The following SH3TC1 variants were observed in gnomAD, a reference collection of about 807,000 sequenced individuals.
SH3TC1 encodes SH3 domain and tetratricopeptide repeats 1, also known as SH3 domain and tetratricopeptide repeat-containing protein 1.
SH3TC1 carries 135 observed loss-of-function variants against 117.3 expected under a neutral mutation model. The observed-to-expected ratio is 1.15, with a 90% CI of 1.00 to 1.33. SH3TC1 has a LOEUF of 1.33. SH3TC1 is among the 40% of genes most tolerant of loss of function. The pLI, the probability that SH3TC1 is intolerant of heterozygous loss-of-function variation, is 0.00. For missense variants in SH3TC1, 2,092 were observed against 1,794.3 expected (o/e 1.17, Z -3.00); for synonymous variants, 898 against 816.9 (o/e 1.10, Z -1.69).
chr4:8,230,029 G>A (rs979984055), intron 12 of SH3TC1, among the ~76,000 whole-genome samples: 10 of 150,116 alleles, frequency 6.7e-5, no homozygotes, highest in East Asian at 2.0e-4. Context: ...GCCAGGGGAC[G>A]AGGATCATGC....
Position 8,228,219 on chromosome 4 carries a change from C to T in SH3TC1, c.2525C>T (p.Pro842Leu), listed in dbSNP as rs755369951. 43 of 1,608,610 alleles carry T rather than the reference C, an allele frequency of 2.7e-5. No individual in the cohort carries two copies. The highest frequency in any genetic ancestry group is 2.0e-4 in the Admixed American group (12 of 59,774). The change falls in exon 12 of 18, where the codon CCG becomes CTG. Residue 842 changes from proline to leucine, a missense_variant. Coordinates refer to ENST00000245105, the MANE Select transcript of SH3TC1 (RefSeq NM_018986.5). ...CTGCACGTGCTTCATGGGCAGAGCC[C>T]GGTGGCCCTGGACATCCTGCAGTCT... ...AWLHVLHGQS[P>L]VALDILQSVR... is the part of the protein sequence containing the mutation.
intron 1 of SH3TC1, among the ~76,000 whole-genome samples, chr4:8,203,891 C>A (rs1278281763): frequency 6.6e-6 from 1 of 152,188 alleles, no homozygotes; most frequent in Non-Finnish European, 1.5e-5. Context: ...TCCCCTGCCA[C>A]GTTCCCCGCC....
At chr4:8,199,562 G>T (rs915119991) in intron 1 of SH3TC1, among the ~76,000 whole-genome samples, 157 bp downstream of exon 1, 2 of 152,238 alleles carry the variant, frequency 1.3e-5, no homozygotes, top group Admixed American at 6.5e-5. Flanking sequence ...CCTCGGGGAG[G>T]TCGTCGGCAC....
rs77050840 is a variant in SH3TC1 at position 8,232,020 on chromosome 4, G to T, written c.2995G>T (p.Val999Phe). ...GCGGCTGTGCCACTTCTACAGCGCC[G>T]TCATGCCCAGCGAGGCCCAGTGTGT... is the stretch of plus-strand genomic sequence containing the variant. Reference protein sequence around the residue: ...VQRLCHFYSAVMPSEAQCVIY... With the variant: ...VQRLCHFYSAFMPSEAQCVIY... The change falls in exon 13 of 18, where the codon GTC becomes TTC. Residue 999 changes from valine to phenylalanine, a missense_variant. Val to Phe is a conservative substitution (Grantham distance 50). Transcript: ENST00000245105. 1.4e-4 allele frequency: 231 copies of T among 1,612,900 alleles called. 2 individuals carry two copies. In the African/African-American group the frequency reaches 2.9e-3, roughly 20 times the overall value.
At chr4:8,217,488 G>A (rs960379873) in intron 7 of SH3TC1, among the ~76,000 whole-genome samples, 1 of 152,254 alleles carries the variant, frequency 6.6e-6, no homozygotes, top group East Asian at 1.9e-4. Flanking sequence ...TAAAACATGC[G>A]TATCCAGAGT....
rs147240029 is a variant in SH3TC1 at position 8,228,358 on chromosome 4, C to T, written c.2664C>T (p.Arg888=). ...GGCAGGCAGCTGAGAGCTACTACCG[C>T]GCCCTGCGGGTGGCTCGGGACCTGG... ...RTRQAAESYY[R]ALRVARDLGQ... The change falls in exon 12 of 18, where the codon CGC becomes CGT. Residue 888 remains arginine (R), a synonymous_variant. Transcript: ENST00000245105. The T allele has an allele frequency of 9.3e-4, 1,496 of 1,611,800 alleles. 2 individuals carry two copies. Among genetic ancestry groups the T allele is most frequent in the Admixed American group, 2.3e-3 (141 of 60,006 alleles).
intron 10 of SH3TC1, among the ~76,000 whole-genome samples, chr4:8,223,499 A>T (rs2086270): frequency 9.9e-5 from 15 of 152,138 alleles, no homozygotes; most frequent in Admixed American, 7.2e-4. Context: ...CTCTGTGTGC[A>T]AAAGCTTTCT....
chr4:8,233,632 TTCCTTCCATCCA>T lies in SH3TC1; in HGVS notation c.3282+123_3282+134del, dbSNP rs146532379. The T allele has an allele frequency of 3.1e-4, 383 of 1,231,794 alleles. 2 individuals are homozygous for T. Among genetic ancestry groups the T allele is most frequent in the East Asian group, 2.6e-3 (92 of 34,994 alleles). The allele number at this position is 1,231,794 out of a possible 1,614,324, so 76.3% of individuals were successfully genotyped here. A position where few individuals can be genotyped will look rare whatever the true frequency, so the allele number is the denominator to read the frequency against. ...CATCTATCCATTTACCTGTTCATCC[TTCCTTCCATCCA>T]TCCATCCTTCCATCATCTACCCATT... On this transcript the variant is annotated intron_variant, in intron 14 of 17. Transcript: ENST00000245105.
rs1227885871 is a variant in SH3TC1, at chr4:8,205,309, C to G, written c.115C>G (p.Pro39Ala). The G allele has an allele frequency of 3.9e-6, 6 of 1,550,302 alleles. No homozygotes were observed. The highest frequency in any genetic ancestry group is 5.2e-6 in the Non-Finnish European group (6 of 1,146,992). Residue 39 changes from proline (P) to alanine (A), a missense_variant, in exon 2 of 18, where the codon CCC (proline) becomes GCC (alanine). Coordinates refer to ENST00000245105, the MANE Select transcript of SH3TC1 (RefSeq NM_018986.5). The surrounding 1 kb of genome is among the most constrained non-coding windows in gnomAD (Gnocchi z 5.4). ...RDQVRTVVMR[P>A]SVSWEKAGPE... ...CCAGGTCCGGACTGTGGTCATGAGG[C>G]CCTCTGTGAGCTGGGAGAAAGCGGG... is the stretch of plus-strand genomic sequence containing the variant.
Position 8,233,005 on chromosome 4 carries a change from T to C in SH3TC1, c.3132-358T>C, listed in dbSNP as rs933743107. On this transcript the variant is annotated intron_variant, in intron 13 of 17. Coordinates refer to ENST00000245105, the MANE Select transcript of SH3TC1 (RefSeq NM_018986.5). The stretch of plus-strand genomic sequence containing the variant: ...ATATGGACAGGCCTCTGGATGACTG[T>C]GATGCCTGCGCACCTTGAGAACCAT... 2.1e-5 allele frequency: 25 copies of C among 1,199,400 alleles called. No homozygotes were observed. The Admixed American group carries it at 2.2e-4, about 11-fold the overall frequency. The allele number at this position is 1,199,400 out of a possible 1,614,324, so 74.3% of individuals were successfully genotyped here.
In SH3TC1 at chr4:8,233,452, T is replaced by A; in HGVS notation, c.3221T>A (p.Leu1074Gln). 1 of 1,613,994 alleles carries A rather than the reference T, an allele frequency of 6.2e-7. No homozygotes were observed. The stretch of plus-strand genomic sequence containing the variant: ...AAAGAGAAGGAGGCGCATGCCTGGC[T>A]GCAAGCAGGGAAGATCTATTACATC... Reference protein sequence around the residue: ...QKKEKEAHAWLQAGKIYYILR... With the variant: ...QKKEKEAHAWQQAGKIYYILR... The change falls in exon 14 of 18, where the codon CTG (leucine) becomes CAG (glutamine). Residue 1074 changes from leucine to glutamine, a missense_variant. By Grantham distance (113) the Leu-to-Gln change is moderately radical. Transcript: ENST00000245105.
At chr4:8,203,580 C>T (rs1281127) in intron 1 of SH3TC1, among the ~76,000 whole-genome samples, 151,184 of 152,160 alleles carry the variant, frequency 0.99, 75,119 homozygotes, top group Middle Eastern at 1. Context: ...TGCTGTCTAA[C>T]GCAGGCCCAG....
intron 3 of SH3TC1, among the ~76,000 whole-genome samples, chr4:8,211,072 C>T (rs1195799134): frequency 1.4e-5 from 2 of 142,210 alleles, no homozygotes; most frequent in Admixed American, 1.4e-4. Flanking sequence ...TCCCTCTCTC[C>T]CTCTGGGTTT....
At chr4:8,193,167 G>A (rs1170058721) in intron 1 of SH3TC1, among the ~76,000 whole-genome samples, 2 of 152,218 alleles carry the variant, frequency 1.3e-5, no homozygotes, top group East Asian at 3.9e-4. Flanking sequence ...GAGCACGTTT[G>A]CCTCCCCTCT....
Position 8,217,148 on chromosome 4 carries a change from C to G in SH3TC1, c.820C>G (p.Pro274Ala), listed in dbSNP as rs538280267. Residue 274 changes from proline to alanine, a missense_variant, in exon 7 of 18, where the codon CCT becomes GCT. By Grantham distance (27) the Pro-to-Ala change is conservative (BLOSUM62 -1). Coordinates refer to ENST00000245105, the MANE Select transcript of SH3TC1 (RefSeq NM_018986.5). ...GGTGGCAGTGGCGGCCGCCCCGGAG[C>G]CTTTGATTCCATTTCATCAGTAGGT... ...EEVAVAAAPE[P>A]LIPFHQWALR... The G allele has an allele frequency of 9.1e-5, 147 of 1,609,928 alleles. 4 individuals carry two copies. The South Asian group carries it at 1.5e-3, about 16-fold the overall frequency.
chr4:8,211,717 G>T (rs1369461887), intron 3 of SH3TC1, among the ~76,000 whole-genome samples: 2 of 151,776 alleles, frequency 1.3e-5, no homozygotes, highest in African/African-American at 4.9e-5. Context: ...TGGGGTCACA[G>T]CCCCAGGAGC....
chr4:8,219,217 C>T (rs918927257), intron 8 of SH3TC1, 118 bp from the exon 9 acceptor site: 11 of 1,037,290 alleles, frequency 1.1e-5, no homozygotes, highest in African/African-American at 3.2e-5. Context: ...TACTACGAAC[C>T]TCCTAGTAAC....
chr4:8,193,714 G>C (rs956636873), intron 1 of SH3TC1, among the ~76,000 whole-genome samples: 2 of 152,188 alleles, frequency 1.3e-5, no homozygotes, highest in African/African-American at 4.8e-5. Context: ...AGATGGGGGT[G>C]CTGCCATCGC....
intron 14 of SH3TC1, among the ~76,000 whole-genome samples, chr4:8,235,125 C>T (rs1035895580): frequency 3.3e-5 from 5 of 152,204 alleles, no homozygotes; most frequent in Non-Finnish European, 7.3e-5. Flanking sequence ...GATGGGCTCC[C>T]AGCAATCTGG....
Sources: gnomAD v4.1 joint callset for allele counts (sites outside exome capture counted in the v4.1 genomes callset) on GRCh38, gnomAD v4.1.1 for gene constraint, Gnocchi (gnomAD v3.1) non-coding constraint, MANE v1.5 for transcripts, NCBI Gene and HGNC (gene_info 2026-07-23, HGNC 2026-07-21) for gene names.